RP1: variants seen among roughly 807,000 people sequenced by gnomAD.
RP1 encodes oxygen-regulated protein 1.
A neutral mutation model predicts 14.8 loss-of-function variants in RP1; 16 were observed. That is an observed-to-expected ratio of 1.08 (90% CI 0.73 to 1.65). The LOEUF is 1.65. Among genes scored for constraint, RP1 ranks in the 40% most tolerant of loss-of-function variants. RP1 has a pLI of 0.00. For missense variants in RP1, 2,631 were observed against 2,535.0 expected (o/e 1.04, Z -0.81); for synonymous variants, 876 against 883.6 (o/e 0.99, Z 0.15).
Position 54,628,914 on chromosome 8 carries a change from C to T in RP1, c.5032C>T (p.Gln1678Ter), listed in dbSNP as rs749195993. 6.2e-7 allele frequency: 1 copy of T among 1,613,986 alleles called. No individual in the cohort carries two copies. The highest frequency in any genetic ancestry group is 8.5e-7 in the Non-Finnish European group (1 of 1,179,958). The change falls in exon 4 of 4, where the codon CAG (glutamine) becomes TAG (stop). Residue 1678 changes from glutamine (Q) to a stop codon, truncating the protein, a stop_gained. Coordinates refer to ENST00000220676, the MANE Select transcript of RP1 (RefSeq NM_006269.2). LOFTEE classifies it low-confidence loss of function (END_TRUNC). ...RKASLYDSEG[Q>*]SFGSSEQVSS... ...AGCAAGTCTTTATGATTCTGAAGGGCAGTCATTTGGCTCTTCTGAACAGGT... is the reference window on the plus strand; with the variant it reads ...AGCAAGTCTTTATGATTCTGAAGGGTAGTCATTTGGCTCTTCTGAACAGGT...
chr8:54,665,346 A>C (rs1806993531), intron 7 of RP1, among the ~76,000 whole-genome samples: 1 of 152,154 alleles, frequency 6.6e-6, no homozygotes, highest in Non-Finnish European at 1.5e-5. Flanking sequence ...CTCACTGATC[A>C]ACTTGGCAGA....
intron 14 of RP1, among the ~76,000 whole-genome samples, chr8:54,704,910 A>C (rs1339706823): frequency 1.3e-5 from 2 of 152,216 alleles, no homozygotes; most frequent in Non-Finnish European, 2.9e-5. Flanking sequence ...CCACTTCTGC[A>C]TATGATACTG....
chr8:54,708,087 A>G (rs941513229), intron 15 of RP1, among the ~76,000 whole-genome samples: 2 of 152,298 alleles, frequency 1.3e-5, no homozygotes, highest in African/African-American at 4.8e-5. Context: ...CAACATTCAC[A>G]AGTTATACAA....
chr8:54,695,076 C>T (rs61990990), intron 12 of RP1, among the ~76,000 whole-genome samples: 5,593 of 152,098 alleles, frequency 0.037, 226 homozygotes, highest in African/African-American at 0.092. Context: ...TTTCGTTATG[C>T]ACCCAGTAGT....
intron 1 of RP1, among the ~76,000 whole-genome samples, chr8:54,600,456 G>A (rs988768222): frequency 1.3e-5 from 2 of 152,162 alleles, no homozygotes; most frequent in African/African-American, 4.8e-5. Context: ...GTTGGGGAGG[G>A]ATTTGGGCAG....
Position 54,762,802 on chromosome 8 carries a change from C to T in RP1, c.3248+3726C>T, listed in dbSNP as rs561557386. 3.9e-5 allele frequency among the ~76,000 whole-genome samples: 6 copies of T among 152,278 alleles called. No individual in the cohort carries two copies. The South Asian group carries it at 8.3e-4, about 21-fold the overall frequency. ...GAAGGCCTGGGAAACAGTCCTTCCT[C>T]GCCCTTCCCACTTCTGCTGCATGCT... On this transcript the variant is annotated intron_variant, in intron 22 of 22. Coordinates refer to the RP1 transcript ENST00000636932.
intron 17 of RP1, chr8:54,726,577 A>G: frequency 7.8e-7 from 1 of 1,290,230 alleles, no homozygotes; most frequent in South Asian, 1.7e-5. Flanking sequence ...TACAGCATAT[A>G]TTATGTTATA....
At chr8:54,652,915 T>G in intron 5 of RP1, 1 of 1,310,522 alleles carries the variant, frequency 7.6e-7, no homozygotes, top group Non-Finnish European at 1.1e-6. Flanking sequence ...CCTCTGCATA[T>G]TCCTCTCAGG....
chr8:54,794,426 C>CGTTTGTCAATATTTGACAAT (rs139982382), intron 24 of RP1, among the ~76,000 whole-genome samples: 39,753 of 150,752 alleles, frequency 0.26, 6,103 homozygotes, highest in Middle Eastern at 0.47. Context: ...CATATACGAC[C>CGTTTGTCAATATTTGACAAT]GTTTGTCAAT....
chr8:54,744,770 C>T (rs912891807), intron 19 of RP1, among the ~76,000 whole-genome samples: 6 of 152,206 alleles, frequency 3.9e-5, no homozygotes, highest in African/African-American at 1.4e-4. Flanking sequence ...CGTGCATTTG[C>T]TCTGTGGCAA....
At chr8:54,677,624 G>A in intron 8 of RP1, among the ~76,000 whole-genome samples, 1 of 152,112 alleles carries the variant, frequency 6.6e-6, no homozygotes, top group East Asian at 1.9e-4. Context: ...CTACTTGAGA[G>A]GCTGAGGCTG....
At chr8:54,795,766 C>T (rs1347714219) in intron 24 of RP1, among the ~76,000 whole-genome samples, 1 of 152,076 alleles carries the variant, frequency 6.6e-6, no homozygotes, top group Non-Finnish European at 1.5e-5. Flanking sequence ...AATTGTGACC[C>T]ATTAGCCATC....
intron 23 of RP1, among the ~76,000 whole-genome samples, chr8:54,778,210 G>C (rs1795256154): frequency 6.6e-6 from 1 of 152,074 alleles, no homozygotes; most frequent in African/African-American, 2.4e-5. Flanking sequence ...ATCTATCAAG[G>C]CACTTATTTG....
intron 5 of RP1, chr8:54,656,062 GTAA>G: frequency 6.8e-7 from 1 of 1,476,492 alleles, no homozygotes; most frequent in Non-Finnish European, 9.0e-7. Context: ...ATTTTTAAAA[GTAA>G]TATTATTGTT....
At chr8:54,714,678 A>G (rs1252353063) in intron 15 of RP1, among the ~76,000 whole-genome samples, 2 of 152,162 alleles carry the variant, frequency 1.3e-5, no homozygotes, top group Non-Finnish European at 2.9e-5. Flanking sequence ...TCTGAGTAAT[A>G]ATAAAACTCC....
chr8:54,775,540 A>G (rs1810014299), intron 23 of RP1, among the ~76,000 whole-genome samples: 1 of 152,160 alleles, frequency 6.6e-6, no homozygotes, highest in East Asian at 1.9e-4. Context: ...GCTTGCAGCC[A>G]GCACCACCTT....
At chr8:54,663,708 A>G in exon 7 of RP1, 1 of 1,525,852 alleles carries the variant, frequency 6.6e-7, no homozygotes, top group Non-Finnish European at 8.7e-7. Context: ...GTGACAATAT[A>G]TGAAGTGAAT....
intron 12 of RP1, among the ~76,000 whole-genome samples, chr8:54,683,846 G>T (rs1807490525): frequency 6.6e-6 from 1 of 152,142 alleles, no homozygotes; most frequent in Admixed American, 6.5e-5. Context: ...TTGAATAGGA[G>T]TAGTAAGAGA....
rs1010051646 is a variant in RP1 at position 54,865,858 on chromosome 8, ATTG to A, written c.4099_4101del (p.Val1367del). On this transcript the variant is annotated inframe_deletion, in exon 28 of 29. Transcript: ENST00000637698. ...AGGTAATGGATGGTTTCTTGGGAGT[ATTG>A]TTGTTAAGTCTGAAGATGAAGACAG... 1.2e-5 allele frequency: 15 copies of A among 1,228,122 alleles called. No individual in the cohort carries two copies. In the African/African-American group the frequency reaches 1.2e-4, roughly 10 times the overall value. The allele number at this position is 1,228,122 out of a possible 1,614,324, so 76.1% of individuals were successfully genotyped here.
Sources: gnomAD v4.1 joint callset for allele counts (sites outside exome capture counted in the v4.1 genomes callset) on GRCh38, gnomAD v4.1.1 for gene constraint, MANE v1.5 for transcripts, NCBI Gene and HGNC (gene_info 2026-07-23, HGNC 2026-07-21) for gene names.